Variants in SAMD8 observed in about 807,000 individuals in gnomAD.
The protein encoded by SAMD8 is sphingomyelin synthase-related protein 1.
In SAMD8, 20 loss-of-function variants were observed where a neutral mutation model predicts 42.0. The ratio of observed to expected loss-of-function variants is 0.48; its 90% confidence interval spans 0.34 to 0.69. SAMD8 has a LOEUF of 0.69. Ranked by LOEUF, SAMD8 falls within the 30% of genes least tolerant of loss-of-function variation. SAMD8 has a pLI of 0.01. For missense variants in SAMD8, 328 were observed against 511.6 expected (o/e 0.64, Z 3.46); for synonymous variants, 162 against 173.0 (o/e 0.94, Z 0.50).
intron 1 of SAMD8, among the ~76,000 whole-genome samples, chr10:75,119,960 C>T (rs1224829538): frequency 2.0e-5 from 3 of 152,060 alleles, no homozygotes; most frequent in Non-Finnish European, 4.4e-5. Flanking sequence ...CCCAGCTACT[C>T]GGGAAGCCGA....
intron 1 of SAMD8, among the ~76,000 whole-genome samples, chr10:75,113,385 CCTTT>C (rs2134412731): frequency 6.6e-6 from 1 of 151,166 alleles, no homozygotes; most frequent in South Asian, 2.1e-4. Flanking sequence ...TCTTTTCTTT[CCTTT>C]CTTTTTTTTT....
In SAMD8 at chr10:75,150,103, T is replaced by C. The variant is rs544700310; in HGVS notation, c.-15-411T>C. 2.0e-5 allele frequency among the ~76,000 whole-genome samples: 3 copies of C among 147,474 alleles called. No homozygotes were observed. In the East Asian group the frequency reaches 6.3e-4, roughly 31 times the overall value. On this transcript the variant is annotated intron_variant, in intron 1 of 5. Coordinates refer to ENST00000542569, the MANE Select transcript of SAMD8 (RefSeq NM_001174156.2). Reference sequence around the variant, plus strand: ...CTCTCTCTCTCTCTCTACATATATATATATATAGTTTTTTGTTTTTTTTTC... The same window carrying C: ...CTCTCTCTCTCTCTCTACATATATACATATATAGTTTTTTGTTTTTTTTTC...
chr10:75,143,968 T>G (rs1840077470), intron 1 of SAMD8, among the ~76,000 whole-genome samples: 1 of 146,106 alleles, frequency 6.8e-6, no homozygotes, highest in Admixed American at 6.9e-5. Context: ...AATTTAAACT[T>G]TTTTTTTTTT....
chr10:75,100,586 A>G (rs758342260), intron 1 of SAMD8, among the ~76,000 whole-genome samples: 4 of 152,072 alleles, frequency 2.6e-5, no homozygotes, highest in Non-Finnish European at 5.9e-5. Flanking sequence ...GCACAGGCCC[A>G]ACGTCCAGCA....
chr10:75,168,828 C>T (rs1213537808), intron 4 of SAMD8, among the ~76,000 whole-genome samples, 170 bp downstream of exon 4: 1 of 152,098 alleles, frequency 6.6e-6, no homozygotes, highest in Non-Finnish European at 1.5e-5. Context: ...CAGATTCTAC[C>T]TCTCTCTTAT....
At chr10:75,171,077 T>C (rs367973059) in intron 4 of SAMD8, among the ~76,000 whole-genome samples, 2 of 151,320 alleles carry the variant, frequency 1.3e-5, no homozygotes, top group African/African-American at 2.4e-5. Context: ...TAAGTTTTCA[T>C]AGATACTTTT....
At chr10:75,144,997 A>G (rs547062231) in intron 1 of SAMD8, among the ~76,000 whole-genome samples, 1 of 152,196 alleles carries the variant, frequency 6.6e-6, no homozygotes, top group African/African-American at 2.4e-5. Flanking sequence ...TACCTTCTGC[A>G]GTGGCTCAGC....
At chr10:75,107,271 G>A (rs1194477622), upstream of SAMD8, among the ~76,000 whole-genome samples, 1 of 151,850 alleles carries the variant, frequency 6.6e-6, no homozygotes, top group Non-Finnish European at 1.5e-5. Context: ...AGAGGCAGAG[G>A]TTGAACCCAG....
intron 4 of SAMD8, among the ~76,000 whole-genome samples, chr10:75,169,330 C>T (rs949149251): frequency 1.3e-5 from 2 of 150,108 alleles, no homozygotes; most frequent in Non-Finnish European, 3.0e-5. Context: ...ACTAAAAATA[C>T]AAAAATTAGC....
At chr10:75,139,012 G>C (rs939858738) in intron 1 of SAMD8, among the ~76,000 whole-genome samples, 1 of 149,894 alleles carries the variant, frequency 6.7e-6, no homozygotes, top group African/African-American at 2.5e-5. Flanking sequence ...CCAGGCTAGA[G>C]GGCAATGGTG....
Position 75,169,460 on chromosome 10 carries a change from C to T in SAMD8, c.792+802C>T, listed in dbSNP as rs1032233651. Among the ~76,000 whole-genome samples, 10 of 150,182 alleles carry T rather than the reference C, an allele frequency of 6.7e-5. No homozygotes were observed. In the Admixed American group the frequency reaches 6.7e-4, roughly 10 times the overall value. ...TCGCACCACTGCACTCTAGCCTGGG[C>T]AACAGAGCAAGACTCTGTCTCAAAA... On this transcript the variant is annotated intron_variant, in intron 4 of 5. Transcript: ENST00000542569.
At chr10:75,103,745 G>A in intron 1 of SAMD8, 1 of 566,884 alleles carries the variant, frequency 1.8e-6, no homozygotes, top group Non-Finnish European at 2.7e-6. Flanking sequence ...TGAGCCCTGA[G>A]GGGAGCTGCT....
intron 4 of SAMD8, among the ~76,000 whole-genome samples, chr10:75,173,474 T>A (rs1376210119): frequency 1.3e-5 from 2 of 152,218 alleles, no homozygotes; most frequent in African/African-American, 4.8e-5. Flanking sequence ...TTTGGAAGGA[T>A]ATATGAGACA....
chr10:75,152,628 G>A (rs1840319468), intron 2 of SAMD8, among the ~76,000 whole-genome samples: 1 of 152,168 alleles, frequency 6.6e-6, no homozygotes, highest in Admixed American at 6.5e-5. Context: ...CCAGGTGGGA[G>A]GATTGCTTGA....
chr10:75,102,052 A>G (rs1277365883), intron 1 of SAMD8: 3 of 997,184 alleles, frequency 3.0e-6, no homozygotes, highest in African/African-American at 1.7e-5. Flanking sequence ...CACTGGTTCC[A>G]TGGCATGGCC....
intron 1 of SAMD8, among the ~76,000 whole-genome samples, chr10:75,104,733 AC>A (rs1416949625): frequency 2.6e-5 from 4 of 151,668 alleles, no homozygotes; most frequent in Non-Finnish European, 5.9e-5. Context: ...TATCACAGTC[AC>A]CCCCAAACTC....
At chr10:75,138,779 C>T (rs1012766576) in intron 1 of SAMD8, among the ~76,000 whole-genome samples, 5 of 152,162 alleles carry the variant, frequency 3.3e-5, no homozygotes, top group African/African-American at 1.2e-4. Flanking sequence ...AAATTCTAAC[C>T]AGAGGTCACC....
At chr10:75,168,038 C>G (rs1334046177) in intron 3 of SAMD8, among the ~76,000 whole-genome samples, 1 of 151,852 alleles carries the variant, frequency 6.6e-6, no homozygotes, top group Non-Finnish European at 1.5e-5. Context: ...CTATTGTTGC[C>G]CAGGCTGGAG....
chr10:75,099,660 G>C, exon 1 of SAMD8: 1 of 735,354 alleles, frequency 1.4e-6, no homozygotes, highest in Non-Finnish European at 1.9e-6. Flanking sequence ...CTCTCTGCTT[G>C]GTATCTGTTT....
Sources: allele counts gnomAD v4.1 joint callset (sites outside exome capture counted in the v4.1 genomes callset), GRCh38; gene constraint gnomAD v4.1.1; transcripts MANE v1.5; gene names NCBI Gene and HGNC (gene_info 2026-07-23, HGNC 2026-07-21).